The following SCHIP1 variants were observed in gnomAD, a reference collection of about 807,000 sequenced individuals.
SCHIP1 encodes the protein schwannomin-interacting protein 1.
SCHIP1 carries 8 observed loss-of-function variants against 29.7 expected under a neutral mutation model. The observed-to-expected ratio is 0.27, with a 90% CI of 0.16 to 0.49. The LOEUF (loss-of-function observed/expected upper bound fraction) is 0.49, where lower values mean the gene tolerates loss of function less well. SCHIP1 is among the 20% of genes least tolerant of loss of function. The pLI is 0.99. For synonymous variants in SCHIP1, 76 were observed against 94.9 expected (o/e 0.80, Z 1.16); for missense variants, 193 against 294.6 (o/e 0.66, Z 2.52).
At chr3:159,615,384 ACT>A in the SCHIP1 span, among the ~76,000 whole-genome samples, 1 of 152,146 alleles carries the variant, frequency 6.6e-6, no homozygotes, top group Non-Finnish European at 1.5e-5. Flanking sequence ...ATGAATTATC[ACT>A]CTGGTTGTAA....
chr3:159,842,807 T>C (rs922540038), intron 1 of SCHIP1, among the ~76,000 whole-genome samples: 9 of 151,718 alleles, frequency 5.9e-5, no homozygotes, highest in Non-Finnish European at 8.8e-5. Flanking sequence ...TCACTGTTTA[T>C]CTGAAATTCA....
the SCHIP1 span, among the ~76,000 whole-genome samples, chr3:159,782,280 T>C: frequency 6.6e-6 from 1 of 152,226 alleles, no homozygotes; most frequent in Non-Finnish European, 1.5e-5. Context: ...TCCCATTTTA[T>C]AGACAGGGAA....
At chr3:159,415,356 T>A in the SCHIP1 span, among the ~76,000 whole-genome samples, 2 of 152,152 alleles carry the variant, frequency 1.3e-5, no homozygotes, top group Admixed American at 1.3e-4. Flanking sequence ...ATAGGTAACA[T>A]CATATCACGG....
chr3:159,532,067 T>C, the SCHIP1 span, among the ~76,000 whole-genome samples: 1 of 152,210 alleles, frequency 6.6e-6, no homozygotes, highest in African/African-American at 2.4e-5. Flanking sequence ...TATTATTTTA[T>C]AATTGATAGC....
the SCHIP1 span, among the ~76,000 whole-genome samples, chr3:159,512,833 C>T: frequency 1.3e-5 from 2 of 152,290 alleles, no homozygotes; most frequent in Non-Finnish European, 2.9e-5. Context: ...CCATCCTCAA[C>T]TCCCCACCAC....
At chr3:159,780,959 G>T in the SCHIP1 span, among the ~76,000 whole-genome samples, 1 of 152,128 alleles carries the variant, frequency 6.6e-6, no homozygotes. Flanking sequence ...ATGAGGAGGT[G>T]GTTATCAGCA....
At chr3:159,274,146 A>G in the SCHIP1 span, 2 of 985,284 alleles carry the variant, frequency 2.0e-6, no homozygotes, top group Non-Finnish European at 2.4e-6. Context: ...GTAGTGCACC[A>G]AAACTAATTG....
chr3:159,664,141 C>A, the SCHIP1 span, among the ~76,000 whole-genome samples: 1 of 152,138 alleles, frequency 6.6e-6, no homozygotes, highest in Non-Finnish European at 1.5e-5. Flanking sequence ...AAAACTTGCA[C>A]AGAAAATTGT....
chr3:159,783,841 T>G, the SCHIP1 span, among the ~76,000 whole-genome samples: 1 of 152,196 alleles, frequency 6.6e-6, no homozygotes, highest in African/African-American at 2.4e-5. Flanking sequence ...GGTCCCAGCC[T>G]TTTTCCTGAT....
At chr3:159,563,170 G>A in the SCHIP1 span, among the ~76,000 whole-genome samples, 1 of 152,106 alleles carries the variant, frequency 6.6e-6, no homozygotes, top group Non-Finnish European at 1.5e-5. Flanking sequence ...TTGGAGTTGG[G>A]AAGCATACAA....
the SCHIP1 span, among the ~76,000 whole-genome samples, chr3:159,357,229 C>G: frequency 6.6e-6 from 1 of 151,984 alleles, no homozygotes; most frequent in Non-Finnish European, 1.5e-5. Context: ...TTAAAATAAA[C>G]CTAAGAGAAT....
the SCHIP1 span, among the ~76,000 whole-genome samples, chr3:159,413,707 CA>C: frequency 6.6e-6 from 1 of 152,128 alleles, no homozygotes; most frequent in Non-Finnish European, 1.5e-5. Context: ...AAAATAAAGG[CA>C]TTGACCTGGC....
At chr3:159,390,729 C>G in the SCHIP1 span, among the ~76,000 whole-genome samples, 2 of 152,092 alleles carry the variant, frequency 1.3e-5, no homozygotes, top group Non-Finnish European at 2.9e-5. Flanking sequence ...CCTGTTCTAT[C>G]CATTTGGCCA....
the SCHIP1 span, among the ~76,000 whole-genome samples, chr3:159,415,833 G>C: frequency 6.6e-6 from 1 of 152,128 alleles, no homozygotes; most frequent in Non-Finnish European, 1.5e-5. Flanking sequence ...CTGGCACATA[G>C]TAAGTACTCA....
chr3:159,400,561 T>C, the SCHIP1 span, among the ~76,000 whole-genome samples: 31 of 152,204 alleles, frequency 2.0e-4, no homozygotes, highest in African/African-American at 6.8e-4. Context: ...TTGTCTGTTA[T>C]TGGAGCTGTT....
the SCHIP1 span, among the ~76,000 whole-genome samples, chr3:159,695,343 C>G: frequency 6.6e-6 from 1 of 152,186 alleles, no homozygotes; most frequent in East Asian, 1.9e-4. Flanking sequence ...TTCCAAGATC[C>G]TACCCTATGA....
the SCHIP1 span, among the ~76,000 whole-genome samples, chr3:159,745,981 T>C: frequency 1.4e-4 from 22 of 152,248 alleles, no homozygotes; most frequent in African/African-American, 4.8e-4. Context: ...TGATATGATA[T>C]CTGGGACTTG....
chr3:159,689,867 T>G, the SCHIP1 span, among the ~76,000 whole-genome samples: 1 of 152,224 alleles, frequency 6.6e-6, no homozygotes, highest in Non-Finnish European at 1.5e-5. Context: ...ATGTGGTTTT[T>G]GTCTTTGGGT....
chr3:159,708,247 G>C, the SCHIP1 span, among the ~76,000 whole-genome samples: 1 of 152,176 alleles, frequency 6.6e-6, no homozygotes, highest in Non-Finnish European at 1.5e-5. Flanking sequence ...CCAAATGTAG[G>C]CAATTGTGAT....
Sources: gnomAD v4.1 joint callset for allele counts (sites outside exome capture counted in the v4.1 genomes callset) on GRCh38, gnomAD v4.1.1 for gene constraint, MANE v1.5 for transcripts, NCBI Gene and HGNC (gene_info 2026-07-23, HGNC 2026-07-21) for gene names.